Variants in OR9Q1 observed in about 807,000 individuals in gnomAD.
OR9Q1 encodes olfactory receptor family 9 subfamily Q member 1.
For missense variants in OR9Q1, 374 were observed against 378.8 expected, an observed-to-expected ratio of 0.99 and a Z score of 0.11; for synonymous variants, 153 against 148.6, an observed-to-expected ratio of 1.03 and a Z score of -0.22.
intron 2 of OR9Q1, among the ~76,000 whole-genome samples, chr11:58,145,672 C>T (rs950580806): frequency 9.9e-5 from 15 of 152,164 alleles, no homozygotes; most frequent in African/African-American, 3.6e-4. Context: ...AAGCCAGGAT[C>T]AAGGGAGAGG....
At chr11:58,069,593 G>C (rs1337729030) in intron 2 of OR9Q1, among the ~76,000 whole-genome samples, 1 of 152,160 alleles carries the variant, frequency 6.6e-6, no homozygotes, top group Non-Finnish European at 1.5e-5. Context: ...TTCTCCTCAG[G>C]CTGGGCGCCA....
chr11:58,144,509 A>AT (rs1246766324), intron 2 of OR9Q1: 1 of 151,950 alleles, frequency 6.6e-6, no homozygotes, highest in East Asian at 1.9e-4. Context: ...CGGTGACAGA[A>AT]TTTTTTCTGA....
chr11:58,159,846 T>G (rs1307744207), intron 2 of OR9Q1, among the ~76,000 whole-genome samples: 1 of 152,222 alleles, frequency 6.6e-6, no homozygotes, highest in Non-Finnish European at 1.5e-5. Flanking sequence ...CATACCAAAT[T>G]ACATCCCATC....
At chr11:58,061,891 G>A (rs1039120078) in intron 2 of OR9Q1, among the ~76,000 whole-genome samples, 8 of 152,168 alleles carry the variant, frequency 5.3e-5, no homozygotes, top group African/African-American at 1.9e-4. Flanking sequence ...TTCAACAGAT[G>A]CGATCTGAAC....
intron 2 of OR9Q1, among the ~76,000 whole-genome samples, chr11:58,126,232 A>G (rs1341655358): frequency 6.6e-6 from 1 of 152,046 alleles, no homozygotes; most frequent in Non-Finnish European, 1.5e-5. Context: ...AGAACCACAT[A>G]ATTTGGCACT....
intron 1 of OR9Q1, among the ~76,000 whole-genome samples, chr11:58,053,630 A>ATATATATATTATATATATATAAAT (rs1853294243): frequency 9.3e-5 from 7 of 75,408 alleles, no homozygotes; most frequent in African/African-American, 1.4e-4. Context: ...TATATATAAA[A>ATATATATATTATATATATATAAAT]TATATATATA....
chr11:58,029,585 A>G (rs1242096095), intron 1 of OR9Q1, among the ~76,000 whole-genome samples: 3 of 152,200 alleles, frequency 2.0e-5, no homozygotes, highest in African/African-American at 7.2e-5. Context: ...CTAAAATGAG[A>G]TAGGAAGTAA....
At chr11:58,097,190 T>C (rs1853740659) in intron 2 of OR9Q1, among the ~76,000 whole-genome samples, 1 of 152,192 alleles carries the variant, frequency 6.6e-6, no homozygotes, top group Non-Finnish European at 1.5e-5. Flanking sequence ...GCCCATGTCG[T>C]TGTATGTATA....
intron 2 of OR9Q1, among the ~76,000 whole-genome samples, chr11:58,099,410 A>G (rs968056241): frequency 2.0e-5 from 3 of 151,504 alleles, no homozygotes; most frequent in South Asian, 4.1e-4. Flanking sequence ...ACAGATATGT[A>G]AGGTTGTTAT....
At chr11:58,120,308 A>T (rs1854015747) in intron 2 of OR9Q1, among the ~76,000 whole-genome samples, 1 of 152,192 alleles carries the variant, frequency 6.6e-6, no homozygotes, top group African/African-American at 2.4e-5. Context: ...GGTAGAGTTT[A>T]TACATTGTCC....
At chr11:58,144,025 A>G (rs1854275516) in intron 2 of OR9Q1, among the ~76,000 whole-genome samples, 1 of 151,992 alleles carries the variant, frequency 6.6e-6, no homozygotes, top group African/African-American at 2.4e-5. Flanking sequence ...TTTATCTTTT[A>G]TTTTATTTTA....
chr11:58,109,558 TAGAAACTGAGAAAC>T (rs1565078183), intron 2 of OR9Q1: 1 of 457,456 alleles, frequency 2.2e-6, no homozygotes, highest in Non-Finnish European at 4.4e-6. Context: ...AGTGACAAGA[TAGAAACTGAGAAAC>T]ACTAGGAAGA....
intron 2 of OR9Q1, among the ~76,000 whole-genome samples, chr11:58,166,729 C>A (rs545761381): frequency 1.3e-5 from 2 of 151,874 alleles, no homozygotes; most frequent in Admixed American, 6.6e-5. Context: ...CTGTGGACTG[C>A]GGGAAACATT....
At chr11:58,120,827 T>TATATATATATAC (rs1232813620) in intron 2 of OR9Q1, among the ~76,000 whole-genome samples, 8 of 145,114 alleles carry the variant, frequency 5.5e-5, no homozygotes, top group African/African-American at 1.5e-4. Flanking sequence ...TATATATATA[T>TATATATATATAC]ACATATATTC....
chr11:58,123,749 AC>A (rs1482989659), intron 2 of OR9Q1, among the ~76,000 whole-genome samples: 1 of 152,148 alleles, frequency 6.6e-6, no homozygotes, highest in Non-Finnish European at 1.5e-5. Context: ...CATGAGAAAG[AC>A]CCTTTATGCA....
intron 2 of OR9Q1, among the ~76,000 whole-genome samples, chr11:58,095,091 T>C (rs1322124764): frequency 6.6e-6 from 1 of 152,268 alleles, no homozygotes; most frequent in Non-Finnish European, 1.5e-5. Flanking sequence ...AATATATTGC[T>C]GTGGCTTTGT....
chr11:58,066,025 C>G (rs1853425722), intron 2 of OR9Q1, among the ~76,000 whole-genome samples: 1 of 152,190 alleles, frequency 6.6e-6, no homozygotes, highest in Admixed American at 6.5e-5. Flanking sequence ...GTCTCCCTGT[C>G]AGGAGCCCTG....
At chr11:58,148,924 C>T (rs1448487731) in intron 2 of OR9Q1, among the ~76,000 whole-genome samples, 1 of 152,164 alleles carries the variant, frequency 6.6e-6, no homozygotes, top group African/African-American at 2.4e-5. Flanking sequence ...CCTTTTGGTC[C>T]TGTTGGGAAA....
At chr11:58,150,395 C>T (rs1351284300) in intron 2 of OR9Q1, among the ~76,000 whole-genome samples, 2 of 152,102 alleles carry the variant, frequency 1.3e-5, no homozygotes, top group Admixed American at 6.5e-5. Context: ...CCTTGGCCTC[C>T]CCAACCACTG....
Sources: allele counts gnomAD v4.1 joint callset (sites outside exome capture counted in the v4.1 genomes callset), GRCh38; gene constraint gnomAD v4.1.1; transcripts MANE v1.5; gene names NCBI Gene and HGNC (gene_info 2026-07-23, HGNC 2026-07-21).